The following RGR variants were observed in gnomAD, a reference collection of about 807,000 sequenced individuals.
The protein encoded by RGR is RPE-retinal G protein-coupled receptor.
In RGR, 30 loss-of-function variants were observed where a neutral mutation model predicts 28.6. That is an observed-to-expected ratio of 1.05 (90% CI 0.78 to 1.42). The LOEUF (loss-of-function observed/expected upper bound fraction) is 1.42, where lower values mean the gene tolerates loss of function less well. RGR is among the 40% of genes most tolerant of loss of function. RGR has a pLI of 0.00. For synonymous variants in RGR, 180 were observed against 156.4 expected (o/e 1.15, Z -1.13); for missense variants, 404 against 375.6 (o/e 1.08, Z -0.62).
intron 3 of RGR, chr10:84,250,458 C>T (rs1432748444): frequency 1.4e-6 from 1 of 716,514 alleles, no homozygotes; most frequent in South Asian, 1.5e-5. Flanking sequence ...GGCCTCAGAG[C>T]ACTTCTCCCA....
rs1842921341 is a variant in RGR, at chr10:84,258,825, T to G, written c.*186T>G. 1 of 782,142 alleles carries G rather than the reference T, an allele frequency of 1.3e-6. No homozygotes were observed. Among genetic ancestry groups the G allele is most frequent in the Non-Finnish European group, 2.1e-6 (1 of 475,936 alleles). 48.5% of individuals were successfully genotyped at this position (782,142 alleles called of 1,614,324 possible). A position where few individuals can be genotyped will look rare whatever the true frequency, so the allele number is the denominator to read the frequency against. ...AGAAAGAGCCAGATGGACCTGAGTGTCGGTCACAGCCCCCTACACTCAAGG... is the reference window on the plus strand; with the variant it reads ...AGAAAGAGCCAGATGGACCTGAGTGGCGGTCACAGCCCCCTACACTCAAGG... On this transcript the variant is annotated 3_prime_UTR_variant, in exon 7 of 7. Transcript: ENST00000652092.
rs528259723 is a variant in RGR, at chr10:84,258,313, G to A, written c.745-195G>A. Among the ~76,000 whole-genome samples the A allele has an allele frequency of 2.6e-5, 4 of 152,260 alleles. No individual in the cohort carries two copies. In the South Asian group the frequency reaches 6.2e-4, roughly 24 times the overall value. ...AGATTAGTCCCCAGGCTGGGAGCAG[G>A]TGGGTCTGGACAAGAGTATGGCTCC... is the stretch of plus-strand genomic sequence containing the variant. On this transcript the variant is annotated intron_variant, in intron 6 of 6. Coordinates refer to ENST00000652092, the MANE Select transcript of RGR (RefSeq NM_001012720.2).
At chr10:84,248,770 C>A in intron 2 of RGR, 152 bp from the exon 3 acceptor site, 1 of 1,414,130 alleles carries the variant, frequency 7.1e-7, no homozygotes, top group Non-Finnish European at 9.8e-7. Context: ...GTTACTTGAG[C>A]TCCAACGCCT....
intron 4 of RGR, 105 bp downstream of exon 4, chr10:84,253,115 A>G (rs1842840235): frequency 7.7e-7 from 1 of 1,301,476 alleles, no homozygotes; most frequent in Non-Finnish European, 1.1e-6. Context: ...GGAAATGTCA[A>G]CGTTTGCCAG....
chr10:84,257,507 G>A (rs373924287), intron 5 of RGR, among the ~76,000 whole-genome samples: 4 of 152,194 alleles, frequency 2.6e-5, no homozygotes, highest in African/African-American at 9.7e-5. Flanking sequence ...GGCCGAGGCA[G>A]GAGAATCCCT....
chr10:84,247,624 T>C lies in RGR; in HGVS notation c.113T>C (p.Ile38Thr), dbSNP rs1842762946. 6.2e-7 allele frequency: 1 copy of C among 1,614,068 alleles called. No homozygotes were observed. The highest frequency in any genetic ancestry group is 8.5e-7 in the Non-Finnish European group (1 of 1,180,000). The change falls in exon 2 of 7, where the codon ATC (isoleucine) becomes ACC (threonine). Residue 38 changes from isoleucine to threonine, a missense_variant. By Grantham distance (89) the Ile-to-Thr change is moderately conservative (BLOSUM62 -1). Transcript: ENST00000652092. ...LSGLSLNTLTIFSFCKTPELR... is the reference protein window; with the variant it reads ...LSGLSLNTLTTFSFCKTPELR... ...GGTCTCAGCCTCAATACCCTGACCA[T>C]CTTCTCTTTCTGCAAGACCCCGGAG...
intron 4 of RGR, among the ~76,000 whole-genome samples, chr10:84,253,953 C>G (rs1374821530): frequency 6.6e-6 from 1 of 152,232 alleles, no homozygotes; most frequent in Non-Finnish European, 1.5e-5. Context: ...AGTATCCAGT[C>G]TTCTTGTTAT....
intron 5 of RGR, among the ~76,000 whole-genome samples, chr10:84,257,304 T>C (rs1842900528): frequency 6.6e-6 from 1 of 152,210 alleles, no homozygotes; most frequent in Non-Finnish European, 1.5e-5. Flanking sequence ...TATTTCACAT[T>C]GGGAGCCCAG....
chr10:84,256,156 C>T (rs1207297552), intron 5 of RGR, among the ~76,000 whole-genome samples: 1 of 142,060 alleles, frequency 7.0e-6, no homozygotes, highest in Admixed American at 7.3e-5. Context: ...GCAACCTCCG[C>T]CTCTCGGGTT....
chr10:84,247,459 C>T, intron 1 of RGR, 132 bp from the exon 2 acceptor site: 4 of 1,087,424 alleles, frequency 3.7e-6, no homozygotes, highest in Non-Finnish European at 4.2e-6. Flanking sequence ...TAGCATGAAG[C>T]ATGCTACCCT....
At chr10:84,249,861 C>T (rs570957624) in intron 3 of RGR, among the ~76,000 whole-genome samples, 1 of 152,336 alleles carries the variant, frequency 6.6e-6, no homozygotes, top group South Asian at 2.1e-4. Flanking sequence ...AGTGTACAAA[C>T]TGCTCCATTT....
chr10:84,254,261 G>T, intron 4 of RGR, 65 bp from the exon 5 acceptor site: 2 of 1,328,012 alleles, frequency 1.5e-6, no homozygotes, highest in Non-Finnish European at 2.2e-6. Context: ...AGAGCTGGTG[G>T]GTCCTTGAGG....
intron 3 of RGR, among the ~76,000 whole-genome samples, chr10:84,251,192 G>A (rs541755404): frequency 4.0e-5 from 6 of 149,316 alleles, no homozygotes; most frequent in African/African-American, 4.9e-5. Context: ...CCGAGATCAC[G>A]CCACTGCACT....
In RGR at chr10:84,257,812, TG is replaced by T; in HGVS notation, c.631-80del. The T allele has an allele frequency of 8.3e-6, 10 of 1,200,480 alleles. No homozygotes were observed. In the South Asian group the frequency reaches 1.2e-4, roughly 15 times the overall value. 74.4% of individuals were successfully genotyped at this position (1,200,480 alleles called of 1,614,324 possible). On this transcript the variant is annotated intron_variant, in intron 5 of 6. Coordinates refer to ENST00000652092, the MANE Select transcript of RGR (RefSeq NM_001012720.2). ...GTCCATGCTGCCCCGCCCTGCTGAGTGCTGACCTGGTTTTCTTGGCCACATA... is the reference window on the plus strand; with the variant it reads ...GTCCATGCTGCCCCGCCCTGCTGAGTCTGACCTGGTTTTCTTGGCCACATA...
chr10:84,258,061 C>G (rs1402083762), intron 6 of RGR, 55 bp downstream of exon 6: 12 of 1,399,490 alleles, frequency 8.6e-6, no homozygotes, highest in Non-Finnish European at 1.2e-5. Context: ...TGTTCTCTGT[C>G]TCATCTCATC....
chr10:84,247,131 C>T (rs925924855), intron 1 of RGR, among the ~76,000 whole-genome samples: 1 of 152,222 alleles, frequency 6.6e-6, no homozygotes, highest in Non-Finnish European at 1.5e-5. Flanking sequence ...CCTTCATGTT[C>T]ACTTCCATGC....
At chr10:84,246,767 C>A (rs1439262613) in intron 1 of RGR, among the ~76,000 whole-genome samples, 1 of 152,130 alleles carries the variant, frequency 6.6e-6, no homozygotes, top group East Asian at 1.9e-4. Flanking sequence ...TACTGTTTTC[C>A]ATAGAGGTTG....
chr10:84,250,352 C>T (rs778327206), intron 3 of RGR: 5 of 717,314 alleles, frequency 7.0e-6, no homozygotes, highest in Admixed American at 2.0e-5. Flanking sequence ...CACTGCCCCT[C>T]ATGGGTCTCT....
chr10:84,256,314 A>G (rs1842887031), intron 5 of RGR, among the ~76,000 whole-genome samples: 1 of 151,844 alleles, frequency 6.6e-6, no homozygotes, highest in Non-Finnish European at 1.5e-5. Flanking sequence ...TCAGCCTCCC[A>G]AAGTGCTGGG....
Sources: allele counts gnomAD v4.1 joint callset (sites outside exome capture counted in the v4.1 genomes callset), GRCh38; gene constraint gnomAD v4.1.1; transcripts MANE v1.5; gene names NCBI Gene and HGNC (gene_info 2026-07-23, HGNC 2026-07-21).